Variants in CPSF6 observed in about 807,000 individuals in gnomAD.
CPSF6 encodes the protein cleavage and polyadenylation specificity factor subunit 6.
CPSF6 carries 10 observed loss-of-function variants against 56.7 expected under a neutral mutation model. That is an observed-to-expected ratio of 0.18 (90% CI 0.11 to 0.30). The LOEUF is 0.30. Among genes scored for constraint, CPSF6 ranks in the 10% least tolerant of loss-of-function variants. CPSF6 has a pLI of 1.00. For missense variants in CPSF6, 419 were observed against 722.9 expected, an observed-to-expected ratio of 0.58 and a Z score of 4.82; for synonymous variants, 248 against 244.8, an observed-to-expected ratio of 1.01 and a Z score of -0.12.
intron 1 of CPSF6, among the ~76,000 whole-genome samples, chr12:69,244,427 T>C (rs1161178808): frequency 6.6e-6 from 1 of 152,142 alleles, no homozygotes; most frequent in African/African-American, 2.4e-5. Flanking sequence ...GTTTCACATG[T>C]TGGCCAGGCT....
chr12:69,263,514 AT>A (rs952955933), intron 9 of CPSF6, among the ~76,000 whole-genome samples: 1 of 151,932 alleles, frequency 6.6e-6, no homozygotes, highest in African/African-American at 2.4e-5. Flanking sequence ...AAATTAAAAT[AT>A]TTTTTCTTTA....
In CPSF6 at chr12:69,243,767, A is replaced by G. The variant is rs1032319722; in HGVS notation, c.60+4061A>G. Reference sequence around the variant, plus strand: ...ACATGCTGCTGTAGACTTCATAAACACTGTACAGTACACTCAGGCTACACT... The same window carrying G: ...ACATGCTGCTGTAGACTTCATAAACGCTGTACAGTACACTCAGGCTACACT... On this transcript the variant is annotated intron_variant, in intron 1 of 9. Transcript: ENST00000435070. Among the ~76,000 whole-genome samples, 5 of 152,200 alleles carry G rather than the reference A, an allele frequency of 3.3e-5. No homozygotes were observed. The East Asian group carries it at 7.7e-4, about 23-fold the overall frequency.
Position 69,245,493 on chromosome 12 carries a change from A to C in CPSF6, c.61-5636A>C, listed in dbSNP as rs180725184. 6.9e-4 allele frequency among the ~76,000 whole-genome samples: 105 copies of C among 152,326 alleles called. 2 individuals carry two copies. Among genetic ancestry groups the C allele is most frequent in the Non-Finnish European group, 1.5e-4 (10 of 68,034 alleles). ...TTGCTTTCCGTGGCTTTAGGCATCC[A>C]CTGGGGGTCTTGGAACATATCCCTC... On this transcript the variant is annotated intron_variant, in intron 1 of 9. Transcript: ENST00000435070.
Position 69,270,027 on chromosome 12 carries a change from G to A in CPSF6, c.*519G>A, listed in dbSNP as rs1873169228. On this transcript the variant is annotated 3_prime_UTR_variant, in exon 10 of 10. Coordinates refer to ENST00000435070, the MANE Select transcript of CPSF6 (RefSeq NM_007007.3). The stretch of plus-strand genomic sequence containing the variant: ...CAATATCTAAAGATAATGTTACTAT[G>A]ACAACATTTTTACTGTCCTTTAAAG... 1 of 152,262 alleles carries A rather than the reference G, an allele frequency of 6.6e-6. No homozygotes were observed. Among genetic ancestry groups the A allele is most frequent in the Non-Finnish European group, 1.5e-5 (1 of 67,780 alleles). 9.4% of individuals were successfully genotyped at this position (152,262 alleles called of 1,614,324 possible).
chr12:69,243,215 A>G lies in CPSF6; in HGVS notation c.60+3509A>G, dbSNP rs549623020. Among the ~76,000 whole-genome samples the G allele has an allele frequency of 7.2e-5, 11 of 152,338 alleles. No homozygotes were observed. The South Asian group carries it at 2.3e-3, about 32-fold the overall frequency. On this transcript the variant is annotated intron_variant, in intron 1 of 9. Transcript: ENST00000435070. ...GTACACTGTAGGGGAGCTGAGAGAT[A>G]CCTACATACAGTAGTGCACACGTAT...
chr12:69,245,168 G>A (rs927805796), intron 1 of CPSF6, among the ~76,000 whole-genome samples: 1 of 151,114 alleles, frequency 6.6e-6, no homozygotes, highest in Admixed American at 6.6e-5. Flanking sequence ...TAACACAGTC[G>A]CTTATTGTCA....
Position 69,262,381 on chromosome 12 carries a change from G to A in CPSF6, c.1478G>A (p.Arg493Gln), listed in dbSNP as rs1008358799. ...GTAATTTCTTTTAGAAGACGTGAAC[G>A]ATCAAGAGAGAGGGACCATAGTAGA... ...KSYGSGSRRE[R>Q]SRERDHSRSR... The change falls in exon 9 of 10, where the codon CGA becomes CAA. Residue 493 changes from arginine (R) to glutamine (Q), a missense_variant. Physicochemically the swap from Arg to Gln is conservative, Grantham distance 43. This residue lies in a region of CPSF6 where 81 missense variants were observed against 193.6 expected (regional missense o/e 0.42). Transcript: ENST00000435070. The A allele has an allele frequency of 1.3e-6, 2 of 1,593,284 alleles. No individual in the cohort carries two copies. Among genetic ancestry groups the A allele is most frequent in the Non-Finnish European group, 1.7e-6 (2 of 1,166,566 alleles).
At chr12:69,264,578 T>C (rs976663797) in intron 9 of CPSF6, among the ~76,000 whole-genome samples, 3 of 152,178 alleles carry the variant, frequency 2.0e-5, no homozygotes, top group Non-Finnish European at 4.4e-5. Context: ...ATCACTGATG[T>C]ACCATACCAG....
At chr12:69,256,508 A>G (rs1872517069) in intron 3 of CPSF6, among the ~76,000 whole-genome samples, 189 bp from the exon 4 acceptor site, 1 of 152,170 alleles carries the variant, frequency 6.6e-6, no homozygotes, top group Non-Finnish European at 1.5e-5. Context: ...AGGTTACTGT[A>G]GCCTCAAACT....
intron 3 of CPSF6, 61 bp from the exon 4 acceptor site, chr12:69,256,636 A>G (rs1872520818): frequency 6.7e-7 from 1 of 1,482,412 alleles, no homozygotes; most frequent in Admixed American, 2.1e-5. Context: ...TTACAGAAGA[A>G]TAACAGTAAT....
chr12:69,267,196 A>C (rs1184971587), intron 9 of CPSF6, among the ~76,000 whole-genome samples: 1 of 152,056 alleles, frequency 6.6e-6, no homozygotes, highest in African/African-American at 2.4e-5. Flanking sequence ...TATTTATTTA[A>C]ATCTTAAAAG....
intron 9 of CPSF6, among the ~76,000 whole-genome samples, chr12:69,263,643 A>C (rs1872846168): frequency 6.6e-6 from 1 of 152,076 alleles, no homozygotes; most frequent in African/African-American, 2.4e-5. Context: ...CAGTCATGGT[A>C]ATTGTTAGTA....
At position 69,258,063 on chromosome 12, in the gene CPSF6, A is replaced by G; in HGVS notation, c.694+158A>G. 6.5e-7 allele frequency: 1 copy of G among 1,538,346 alleles called. No individual in the cohort carries two copies. Among genetic ancestry groups the G allele is most frequent in the Non-Finnish European group, 8.7e-7 (1 of 1,146,742 alleles). ...ATTTGATCAAGCATCTTGTTAAAGG[A>G]ACTCGGCCTTTGTTCCTGGAAACTA... On this transcript the variant is annotated intron_variant, in intron 5 of 9. Coordinates refer to ENST00000435070, the MANE Select transcript of CPSF6 (RefSeq NM_007007.3). This position sits in a 1 kb window ranked among gnomAD's most constrained non-coding sequence, Gnocchi z 4.2.
chr12:69,267,742 C>G (rs761279637), intron 9 of CPSF6, among the ~76,000 whole-genome samples: 1 of 151,754 alleles, frequency 6.6e-6, no homozygotes, highest in African/African-American at 2.4e-5. Context: ...TAGACTATCC[C>G]CCATATTTTA....
Position 69,270,527 on chromosome 12 carries a change from G to A in CPSF6, c.*1019G>A, listed in dbSNP as rs1015744828. The A allele has an allele frequency of 6.6e-6, 1 of 151,758 alleles. No homozygotes were observed. The highest frequency in any genetic ancestry group is 2.4e-5 in the African/African-American group (1 of 41,416). The allele number at this position is 151,758 out of a possible 1,614,324, so 9.4% of individuals were successfully genotyped here. A position where few individuals can be genotyped will look rare whatever the true frequency, so the allele number is the denominator to read the frequency against. On this transcript the variant is annotated 3_prime_UTR_variant, in exon 10 of 10. Coordinates refer to ENST00000435070, the MANE Select transcript of CPSF6 (RefSeq NM_007007.3). ...AAATACAGCCCTGCAGCAGGTAAATGTGAGTAAAGAGAGCCTTATATTTTC... is the reference window on the plus strand; with the variant it reads ...AAATACAGCCCTGCAGCAGGTAAATATGAGTAAAGAGAGCCTTATATTTTC...
intron 2 of CPSF6, among the ~76,000 whole-genome samples, chr12:69,251,855 A>G (rs1872257562): frequency 6.6e-6 from 1 of 152,168 alleles, no homozygotes; most frequent in Non-Finnish European, 1.5e-5. Context: ...TGAGACTAAG[A>G]TTATTGATTT....
intron 3 of CPSF6, 73 bp downstream of exon 3, chr12:69,253,227 GTT>G: frequency 2.6e-6 from 2 of 763,716 alleles, no homozygotes; most frequent in Non-Finnish European, 4.4e-6. Flanking sequence ...TTTCCTTTAA[GTT>G]AATGTTAATT....
In CPSF6 at chr12:69,262,381, G is replaced by T. The variant is rs1008358799; in HGVS notation, c.1478G>T (p.Arg493Leu). Reference protein sequence around the residue: ...KSYGSGSRRERSRERDHSRSR... With the variant: ...KSYGSGSRRELSRERDHSRSR... ...GTAATTTCTTTTAGAAGACGTGAAC[G>T]ATCAAGAGAGAGGGACCATAGTAGA... Residue 493 changes from arginine to leucine, a missense_variant, in exon 9 of 10, where the codon CGA (arginine) becomes CTA (leucine). By Grantham distance (102) the Arg-to-Leu change is moderately radical. Transcript: ENST00000435070. The T allele has an allele frequency of 6.3e-7, 1 of 1,593,398 alleles. No homozygotes were observed. Among genetic ancestry groups the T allele is most frequent in the South Asian group, 1.1e-5 (1 of 88,628 alleles).
At chr12:69,253,761 C>T (rs1425365417) in intron 3 of CPSF6, among the ~76,000 whole-genome samples, 1 of 151,988 alleles carries the variant, frequency 6.6e-6, no homozygotes, top group African/African-American at 2.4e-5. Flanking sequence ...AATACACATC[C>T]TCTCTAATGT....
Sources: gnomAD v4.1 joint callset for allele counts (sites outside exome capture counted in the v4.1 genomes callset) on GRCh38, gnomAD v4.1.1 for gene constraint, gnomAD v4.1.1 regional missense constraint, Gnocchi (gnomAD v3.1) non-coding constraint, MANE v1.5 for transcripts, NCBI Gene and HGNC (gene_info 2026-07-23, HGNC 2026-07-21) for gene names.